Variants in PTGR2 observed in about 807,000 individuals in gnomAD.
PTGR2 encodes the protein 15-oxoprostaglandin 13-reductase.
Under a neutral mutation model 43.4 loss-of-function variants are expected in PTGR2, and 32 were observed. The ratio of observed to expected loss-of-function variants is 0.74; its 90% CI spans 0.56 to 0.99. The LOEUF is 0.99. Ranked by LOEUF, PTGR2 falls within the 50% of genes least tolerant of loss-of-function variation. The pLI is 0.00. For synonymous variants in PTGR2, 106 were observed against 139.2 expected (o/e 0.76, Z 1.68); for missense variants, 373 against 420.0 (o/e 0.89, Z 0.98).
chr14:73,859,895 C>T (rs2054448480), intron 2 of PTGR2, among the ~76,000 whole-genome samples: 2 of 149,404 alleles, frequency 1.3e-5, no homozygotes, highest in South Asian at 4.2e-4. Flanking sequence ...GAGTCTCGCT[C>T]TGTCATGCAG....
At chr14:73,872,869 C>T (rs965652234) in intron 3 of PTGR2, among the ~76,000 whole-genome samples, 5 of 151,510 alleles carry the variant, frequency 3.3e-5, no homozygotes, top group South Asian at 4.2e-4. Context: ...CCCAGCTATG[C>T]GGGAGGCTGA....
chr14:73,859,756 C>T (rs1182232059), intron 2 of PTGR2, among the ~76,000 whole-genome samples: 2 of 149,302 alleles, frequency 1.3e-5, no homozygotes, highest in Non-Finnish European at 3.0e-5. Context: ...CGCGCTCCAT[C>T]CTGGGTGACA....
chr14:73,858,777 A>G, intron 1 of PTGR2, 39 bp from the exon 2 acceptor site: 1 of 960,182 alleles, frequency 1.0e-6, no homozygotes, highest in Admixed American at 2.4e-5. Context: ...ATTGTTGAAT[A>G]CTTCAAATCT....
chr14:73,860,649 C>T lies in PTGR2; in HGVS notation c.148C>T (p.Pro50Ser). The T allele has an allele frequency of 2.2e-6, 3 of 1,338,182 alleles. No homozygotes were observed. Among genetic ancestry groups the T allele is most frequent in the Non-Finnish European group, 3.2e-6 (3 of 945,350 alleles). The allele number at this position is 1,338,182 out of a possible 1,614,324, so 82.9% of individuals were successfully genotyped here. A position where few individuals can be genotyped will look rare whatever the true frequency, so the allele number is the denominator to read the frequency against. Residue 50 changes from proline to serine, a missense_variant, in exon 3 of 10, where the codon CCT becomes TCT. Physicochemically the swap from Pro to Ser is moderately conservative, Grantham distance 74. Transcript: ENST00000555661. The part of the protein sequence containing the change: ...QVRTLYLSVD[P>S]YMRCRMNEDT... ...TAGAACTCTTTATCTTTCTGTGGAT[C>T]CTTACATGGTAAGAATCAGGATGTT...
At chr14:73,862,999 A>G (rs1217697967) in intron 3 of PTGR2, among the ~76,000 whole-genome samples, 2 of 152,134 alleles carry the variant, frequency 1.3e-5, no homozygotes, top group Non-Finnish European at 2.9e-5. Flanking sequence ...GAGCCACTAC[A>G]TCTGTCTCCA....
intron 5 of PTGR2, 73 bp from the exon 6 acceptor site, chr14:73,879,023 C>A (rs1035811821): frequency 1.6e-6 from 2 of 1,232,900 alleles, no homozygotes; most frequent in East Asian, 2.3e-5. Context: ...CCTGTAATAT[C>A]TTGTATACTG....
intron 3 of PTGR2, among the ~76,000 whole-genome samples, chr14:73,862,354 ACCGCCACCACGCC>A (rs1198537806): frequency 3.3e-5 from 5 of 151,532 alleles, no homozygotes; most frequent in Non-Finnish European, 7.4e-5. Flanking sequence ...ACTACAGGCA[ACCGCCACCACGCC>A]CGGCTAATTT....
At position 73,879,246 on chromosome 14, in the gene PTGR2, G is replaced by A; in HGVS notation, c.670G>A (p.Gly224Arg). The change falls in exon 6 of 10, where the codon GGA becomes AGA. Residue 224 changes from glycine to arginine, a missense_variant. Gly to Arg is a moderately radical substitution (Grantham distance 125, BLOSUM62 -2). Transcript: ENST00000555661. ...ACAGCTCCGTGAATCATGCCCAGCT[G>A]GAGTGGATGTTTATTTTGACAATGT... is the stretch of plus-strand genomic sequence containing the variant. ...AEQLRESCPA[G>R]VDVYFDNVGG... The A allele has an allele frequency of 6.2e-7, 1 of 1,614,114 alleles. No individual in the cohort carries two copies. Among genetic ancestry groups the A allele is most frequent in the East Asian group, 2.2e-5 (1 of 44,870 alleles).
At chr14:73,879,968 A>G in intron 6 of PTGR2, 87 bp from the exon 7 acceptor site, 1 of 1,364,440 alleles carries the variant, frequency 7.3e-7, no homozygotes, top group Non-Finnish European at 1.0e-6. Context: ...AGAAAGGATT[A>G]AATAGTCAAG....
At chr14:73,864,570 A>T (rs2054561603) in intron 3 of PTGR2, among the ~76,000 whole-genome samples, 1 of 152,114 alleles carries the variant, frequency 6.6e-6, no homozygotes, top group Admixed American at 6.6e-5. Context: ...TAATGTGCTT[A>T]TTGGTCATTT....
intron 4 of PTGR2, among the ~76,000 whole-genome samples, chr14:73,875,827 T>TC (rs1260695685): frequency 5.5e-5 from 8 of 146,030 alleles, no homozygotes; most frequent in African/African-American, 2.0e-4. Flanking sequence ...TTTCTTTTTT[T>TC]TTTTTTTTTT....
chr14:73,875,018 C>T (rs1041194699), intron 4 of PTGR2, among the ~76,000 whole-genome samples: 5 of 152,104 alleles, frequency 3.3e-5, no homozygotes, highest in African/African-American at 1.2e-4. Context: ...ACCACCACGC[C>T]CAGCTAATTT....
In PTGR2 at chr14:73,879,287, T is replaced by A. The variant is rs755769258; in HGVS notation, c.711T>A (p.Ser237Arg). ...TTGACAATGTTGGTGGTAACATCAG[T>A]GATACAGTGATAAGTCAGGTTGTTT... Reference protein sequence around the residue: ...VYFDNVGGNISDTVISQMNEN... With the variant: ...VYFDNVGGNIRDTVISQMNEN... The change falls in exon 6 of 10, where the codon AGT (serine) becomes AGA (arginine). Residue 237 changes from serine to arginine, a missense_variant. Ser to Arg is a moderately radical substitution (Grantham distance 110, BLOSUM62 -1). Transcript: ENST00000555661. 1 of 1,613,912 alleles carries A rather than the reference T, an allele frequency of 6.2e-7. No individual in the cohort carries two copies. The highest frequency in any genetic ancestry group is 1.3e-5 in the African/African-American group (1 of 74,938).
intron 3 of PTGR2, among the ~76,000 whole-genome samples, chr14:73,869,410 C>T (rs1002106365): frequency 6.6e-6 from 1 of 151,490 alleles, no homozygotes; most frequent in Admixed American, 6.6e-5. Context: ...GTGCACCAGC[C>T]ACTCTGGAGG....
chr14:73,882,966 G>A (rs1266897256), intron 9 of PTGR2, among the ~76,000 whole-genome samples: 4 of 150,132 alleles, frequency 2.7e-5, no homozygotes, highest in Admixed American at 2.0e-4. Context: ...GACTACAGGC[G>A]TGCACTGGTA....
chr14:73,855,536 T>TGC (rs2054325871), intron 1 of PTGR2, among the ~76,000 whole-genome samples: 2 of 151,872 alleles, frequency 1.3e-5, no homozygotes, highest in Admixed American at 1.3e-4. Context: ...AACCTCCACC[T>TGC]CTTGAGTTCA....
chr14:73,859,195 C>T (rs1469441860), intron 2 of PTGR2, among the ~76,000 whole-genome samples: 5 of 151,932 alleles, frequency 3.3e-5, no homozygotes, highest in African/African-American at 1.2e-4. Flanking sequence ...ATATATGTGG[C>T]TTTTGTTTCT....
At chr14:73,857,665 T>TTTTTTTTTTTG (rs1566633971) in intron 1 of PTGR2, among the ~76,000 whole-genome samples, 1 of 42,324 alleles carries the variant, frequency 2.4e-5, no homozygotes, top group African/African-American at 8.3e-5. Flanking sequence ...GCAGTTAGTG[T>TTTTTTTTTTTG]TTTTTTTTTT....
chr14:73,879,217 C>T lies in PTGR2; in HGVS notation c.641C>T (p.Ala214Val), dbSNP rs1413717337. 5 of 1,613,924 alleles carry T rather than the reference C, an allele frequency of 3.1e-6. No individual in the cohort carries two copies. The highest frequency in any genetic ancestry group is 3.4e-6 in the Non-Finnish European group (4 of 1,180,022). The part of the protein sequence containing the change: ...AAINYKKDNV[A>V]EQLRESCPAG... ...ATTAATTATAAAAAAGACAATGTGG[C>T]AGAACAGCTCCGTGAATCATGCCCA... is the stretch of plus-strand genomic sequence containing the variant. Residue 214 changes from alanine to valine, a missense_variant, in exon 6 of 10, where the codon GCA (alanine) becomes GTA (valine). Coordinates refer to ENST00000555661, the MANE Select transcript of PTGR2 (RefSeq NM_001146154.2).
Sources: allele counts gnomAD v4.1 joint callset (sites outside exome capture counted in the v4.1 genomes callset), GRCh38; gene constraint gnomAD v4.1.1; transcripts MANE v1.5; gene names NCBI Gene and HGNC (gene_info 2026-07-23, HGNC 2026-07-21).